The following ANK3 variants were observed in gnomAD, a reference collection of about 807,000 sequenced individuals.
The protein encoded by ANK3 is ankyrin 3, also known as ankyrin-3.
A neutral mutation model predicts 370.9 loss-of-function variants in ANK3; 57 were observed. That is an observed-to-expected ratio of 0.15 (90% confidence interval 0.12 to 0.19). The LOEUF (loss-of-function observed/expected upper bound fraction) is 0.19. Among genes scored for constraint, ANK3 ranks in the 10% least tolerant of loss-of-function variants. ANK3 has a pLI of 1.00. For missense variants in ANK3, 4,439 were observed against 5,302.1 expected, an observed-to-expected ratio of 0.84 and a Z score of 5.06; for synonymous variants, 1,929 against 1,946.3, an observed-to-expected ratio of 0.99 and a Z score of 0.23.
chr10:60,085,918 T>C (rs1319250123), intron 30 of ANK3, among the ~76,000 whole-genome samples: 3 of 152,146 alleles, frequency 2.0e-5, no homozygotes, highest in Non-Finnish European at 4.4e-5. Flanking sequence ...CCCAGCCTCT[T>C]ACTCTTTAAA....
chr10:60,233,784 C>A (rs984821247), intron 8 of ANK3, among the ~76,000 whole-genome samples: 1 of 152,048 alleles, frequency 6.6e-6, no homozygotes, highest in Non-Finnish European at 1.5e-5. Flanking sequence ...TAAAATTTAC[C>A]CTCACAATCC....
intron 11 of ANK3, among the ~76,000 whole-genome samples, 154 bp from the exon 12 acceptor site, chr10:60,203,254 A>G (rs548160111): frequency 2.0e-5 from 3 of 152,358 alleles, no homozygotes; most frequent in East Asian, 3.9e-4. Context: ...TACAGATTCT[A>G]TATGGTAAAT....
intron 1 of ANK3, among the ~76,000 whole-genome samples, chr10:60,724,166 C>T (rs1041071406): frequency 3.9e-5 from 5 of 127,880 alleles, no homozygotes; most frequent in Non-Finnish European, 4.9e-5. Flanking sequence ...GCCGAGATCG[C>T]GCCACTGCAC....
At chr10:60,578,930 C>T (rs947927884) in intron 2 of ANK3, among the ~76,000 whole-genome samples, 2 of 152,042 alleles carry the variant, frequency 1.3e-5, no homozygotes, top group African/African-American at 2.4e-5. Flanking sequence ...ATGATGAGTA[C>T]GTCTGGATAT....
intron 7 of ANK3, among the ~76,000 whole-genome samples, chr10:60,248,640 G>A (rs912641114): frequency 2.0e-5 from 3 of 152,146 alleles, no homozygotes; most frequent in Non-Finnish European, 2.9e-5. Context: ...CTTTGTGCAG[G>A]CTCTATGAAA....
chr10:60,192,235 G>A (rs2096495318), intron 16 of ANK3, among the ~76,000 whole-genome samples: 1 of 151,566 alleles, frequency 6.6e-6, no homozygotes, highest in Non-Finnish European at 1.5e-5. Flanking sequence ...CATGGTGCGC[G>A]TGTGTGTGTA....
intron 8 of ANK3, among the ~76,000 whole-genome samples, chr10:60,223,185 G>A (rs1313802187): frequency 6.6e-6 from 1 of 152,100 alleles, no homozygotes; most frequent in Non-Finnish European, 1.5e-5. Flanking sequence ...CTCCCACCCT[G>A]CCACTCTTAT....
chr10:60,684,259 G>A (rs1024435758), intron 1 of ANK3, among the ~76,000 whole-genome samples: 2 of 152,196 alleles, frequency 1.3e-5, no homozygotes, highest in African/African-American at 2.4e-5. Flanking sequence ...TGGAGCTGCC[G>A]GACAACCACC....
At chr10:60,390,091 TTCA>T (rs1307445264), upstream of ANK3, among the ~76,000 whole-genome samples, 1 of 152,178 alleles carries the variant, frequency 6.6e-6, no homozygotes, top group Non-Finnish European at 1.5e-5. Context: ...CCTACTTTAG[TTCA>T]ACTGCTGATG....
chr10:60,650,387 AT>A (rs58422750), intron 1 of ANK3, among the ~76,000 whole-genome samples: 8,514 of 34,978 alleles, frequency 0.24, 353 homozygotes, highest in South Asian at 0.41. Flanking sequence ...AAAAAAAAAA[AT>A]TTACAAGCTC....
At chr10:60,594,732 T>C (rs1476475936) in intron 2 of ANK3, among the ~76,000 whole-genome samples, 1 of 152,162 alleles carries the variant, frequency 6.6e-6, no homozygotes, top group Non-Finnish European at 1.5e-5. Flanking sequence ...TTTACATTCA[T>C]AGTAATGTTG....
chr10:60,140,747 C>A, intron 23 of ANK3: 1 of 1,102,582 alleles, frequency 9.1e-7, no homozygotes, highest in South Asian at 3.5e-5. Context: ...ATGCAAGCCC[C>A]TGAGTTATTT....
At chr10:60,053,681 T>C (rs2078549087) in intron 42 of ANK3, 2 of 1,303,686 alleles carry the variant, frequency 1.5e-6, no homozygotes, top group South Asian at 1.2e-5. Context: ...TTTTACCTTA[T>C]AACAGCAGGC....
chr10:60,134,963 C>A (rs778843982), intron 24 of ANK3, among the ~76,000 whole-genome samples: 2 of 152,206 alleles, frequency 1.3e-5, no homozygotes, highest in African/African-American at 4.8e-5. Context: ...GTCTTTTCTG[C>A]AAATATTCTT....
intron 2 of ANK3, among the ~76,000 whole-genome samples, chr10:60,565,607 C>T (rs1199045773): frequency 6.6e-6 from 1 of 152,216 alleles, no homozygotes; most frequent in African/African-American, 2.4e-5. Context: ...TAACTCACCC[C>T]TGCACTCTAT....
rs760537081 is a variant in ANK3 at position 60,074,114 on chromosome 10, G to A, written c.6767C>T (p.Ser2256Phe). ...ITTTTRMVYHSPPGGEGASER... is the reference protein window; with the variant it reads ...ITTTTRMVYHFPPGGEGASER... ...AGATGCACCTTCACCGCCTGGTGGAGAATGATAAACCATTCTGGTGGTTGT... is the reference window on the plus strand; with the variant it reads ...AGATGCACCTTCACCGCCTGGTGGAAAATGATAAACCATTCTGGTGGTTGT... Residue 2256 changes from serine (S) to phenylalanine (F), a missense_variant, in exon 37 of 44, where the codon TCT becomes TTT. Ser to Phe is a radical substitution (Grantham distance 155). Transcript: ENST00000280772. The A allele has an allele frequency of 1.9e-6, 3 of 1,613,932 alleles. No individual in the cohort carries two copies. The Admixed American group carries it at 5.0e-5, about 27-fold the overall frequency.
intron 1 of ANK3, among the ~76,000 whole-genome samples, chr10:60,297,486 A>C (rs1402093537): frequency 6.6e-6 from 1 of 152,180 alleles, no homozygotes; most frequent in African/African-American, 2.4e-5. Flanking sequence ...TATATTTATC[A>C]ACAGTCCAAT....
chr10:60,247,311 C>A (rs1812810314), intron 7 of ANK3, among the ~76,000 whole-genome samples: 1 of 152,050 alleles, frequency 6.6e-6, no homozygotes, highest in South Asian at 2.1e-4. Flanking sequence ...GCCACTGGAC[C>A]CAGTCAGAGC....
intron 1 of ANK3, among the ~76,000 whole-genome samples, chr10:60,336,096 G>C (rs1485910465): frequency 2.0e-5 from 3 of 151,978 alleles, no homozygotes; most frequent in Admixed American, 1.3e-4. Flanking sequence ...TTGGCGGGGG[G>C]GGGAAGCTGG....
Sources: gnomAD v4.1 joint callset for allele counts (sites outside exome capture counted in the v4.1 genomes callset) on GRCh38, gnomAD v4.1.1 for gene constraint, MANE v1.5 for transcripts, NCBI Gene and HGNC (gene_info 2026-07-23, HGNC 2026-07-21) for gene names.